Variants in CTDSPL2 observed in about 807,000 individuals in gnomAD.
CTDSPL2 encodes the protein CTD small phosphatase-like protein 2.
CTDSPL2 carries 5 observed loss-of-function variants against 60.0 expected under a neutral mutation model. That is an observed-to-expected ratio of 0.08 (90% CI 0.04 to 0.18). The LOEUF is 0.18. Ranked by LOEUF, CTDSPL2 falls within the 10% of genes least tolerant of loss-of-function variation. The pLI is 1.00. For synonymous variants in CTDSPL2, 186 were observed against 189.3 expected (o/e 0.98, Z 0.14); for missense variants, 370 against 548.8 (o/e 0.67, Z 3.26).
chr15:44,441,576 C>T (rs2080086712), intron 1 of CTDSPL2, among the ~76,000 whole-genome samples: 1 of 152,068 alleles, frequency 6.6e-6, no homozygotes, highest in Non-Finnish European at 1.5e-5. Flanking sequence ...TTCTTTTTAC[C>T]TGGTTTTATG....
chr15:44,459,863 G>T (rs985098035), intron 2 of CTDSPL2, among the ~76,000 whole-genome samples: 1 of 152,064 alleles, frequency 6.6e-6, no homozygotes, highest in Non-Finnish European at 1.5e-5. Flanking sequence ...TCTAACATTT[G>T]TATGATGAAG....
rs2081619771 is a variant in CTDSPL2, at chr15:44,514,641, G to A, written c.1013G>A (p.Arg338Gln). 2 of 1,607,780 alleles carry A rather than the reference G, an allele frequency of 1.2e-6. No homozygotes were observed. Among genetic ancestry groups the A allele is most frequent in the African/African-American group, 1.3e-5 (1 of 74,876 alleles). ...LRPFFREFLE[R>Q]MSQMYEIILF... ...CCATTTTTCAGGGAATTCCTGGAAC[G>A]AATGTCTCAGATGTATGAGGTAAAC... Residue 338 changes from arginine (R) to glutamine (Q), a missense_variant, in exon 9 of 13, where the codon CGA becomes CAA. Physicochemically the swap from Arg to Gln is conservative, Grantham distance 43 (BLOSUM62 1). This residue lies in a region of CTDSPL2 where 21 missense variants were observed against 42.1 expected (regional missense o/e 0.50). Transcript: ENST00000260327.
chr15:44,498,823 C>T lies in CTDSPL2; in HGVS notation c.883-904C>T, dbSNP rs773788449. The stretch of plus-strand genomic sequence containing the variant: ...CTGAGGCAGGAGAATCACTTGATCC[C>T]GGGAAGTGGAGGTTGCAGTGAACCT... On this transcript the variant is annotated intron_variant, in intron 7 of 12. Transcript: ENST00000260327. Among the ~76,000 whole-genome samples, 69 of 151,922 alleles carry T rather than the reference C, an allele frequency of 4.5e-4. 1 individual carries two copies. The highest frequency in any genetic ancestry group is 2.1e-4 in the South Asian group (1 of 4,806).
intron 2 of CTDSPL2, among the ~76,000 whole-genome samples, chr15:44,466,803 G>A (rs56719500): frequency 0.01 from 1,591 of 152,140 alleles, 39 homozygotes; most frequent in African/African-American, 0.037. Flanking sequence ...GCTGGGCATG[G>A]TGGCGGGCGC....
chr15:44,443,215 C>T (rs968321255), intron 1 of CTDSPL2, among the ~76,000 whole-genome samples: 2 of 152,154 alleles, frequency 1.3e-5, no homozygotes, highest in Admixed American at 6.6e-5. Flanking sequence ...CAGTCTTCAA[C>T]GTTCATAATA....
chr15:44,490,326 C>T (rs1285759264), intron 4 of CTDSPL2, among the ~76,000 whole-genome samples: 1 of 152,046 alleles, frequency 6.6e-6, no homozygotes, highest in Non-Finnish European at 1.5e-5. Context: ...TTTGTAGAGA[C>T]AGCCATGTTG....
At chr15:44,475,638 CAA>C (rs3041871) in intron 2 of CTDSPL2, among the ~76,000 whole-genome samples, 4,877 of 134,062 alleles carry the variant, frequency 0.036, 246 homozygotes, top group African/African-American at 0.11. Flanking sequence ...GACTTCGTCT[CAA>C]AAAAAAAAAA....
chr15:44,446,118 G>A (rs984754483), intron 1 of CTDSPL2, among the ~76,000 whole-genome samples: 1 of 151,792 alleles, frequency 6.6e-6, no homozygotes, highest in East Asian at 1.9e-4. Flanking sequence ...TGGAGACAGG[G>A]TTTCACCATA....
At chr15:44,492,277 C>T (rs531033320) in intron 5 of CTDSPL2, among the ~76,000 whole-genome samples, 3 of 152,158 alleles carry the variant, frequency 2.0e-5, no homozygotes, top group South Asian at 2.1e-4. Flanking sequence ...TCCAGACTGC[C>T]GTGAGCTATG....
chr15:44,437,619 A>G (rs2080003255), intron 1 of CTDSPL2, among the ~76,000 whole-genome samples: 1 of 152,176 alleles, frequency 6.6e-6, no homozygotes, highest in Non-Finnish European at 1.5e-5. Flanking sequence ...CCCCAATTAT[A>G]TGGCCTTTTT....
chr15:44,485,986 C>T (rs920892790), intron 3 of CTDSPL2, among the ~76,000 whole-genome samples: 20 of 152,166 alleles, frequency 1.3e-4, no homozygotes, highest in African/African-American at 4.3e-4. Context: ...ATCTGTGGAA[C>T]ATTTTGATTT....
intron 1 of CTDSPL2, among the ~76,000 whole-genome samples, chr15:44,433,953 CAAA>C (rs201817237): frequency 1.1e-4 from 11 of 103,714 alleles, no homozygotes; most frequent in African/African-American, 3.3e-4. Context: ...ACTCTCGTCT[CAAA>C]AAAAAAAAAA....
chr15:44,484,560 C>T (rs2081086152), intron 3 of CTDSPL2, among the ~76,000 whole-genome samples, 198 bp downstream of exon 3: 1 of 152,148 alleles, frequency 6.6e-6, no homozygotes, highest in South Asian at 2.1e-4. Flanking sequence ...CGTGGCAAAA[C>T]CCCGTCTCTA....
chr15:44,454,363 C>T (rs1311647175), intron 1 of CTDSPL2, among the ~76,000 whole-genome samples: 4 of 151,926 alleles, frequency 2.6e-5, no homozygotes, highest in African/African-American at 7.3e-5. Context: ...AATTTTTCTC[C>T]CATTCTGTAG....
intron 1 of CTDSPL2, among the ~76,000 whole-genome samples, chr15:44,445,648 T>G (rs969159068): frequency 6.6e-6 from 1 of 151,984 alleles, no homozygotes; most frequent in Non-Finnish European, 1.5e-5. Context: ...TTTTGCTTTT[T>G]TTTTTTTGAG....
rs139955666 is a variant in CTDSPL2 at position 44,459,266 on chromosome 15, G to A, written c.186+66G>A. 6.1e-3 allele frequency: 7,237 copies of A among 1,193,648 alleles called. 347 individuals carry two copies. In the African/African-American group the frequency reaches 0.1, roughly 17 times the overall value. 73.9% of individuals were successfully genotyped at this position (1,193,648 alleles called of 1,614,324 possible). A position where few individuals can be genotyped will look rare whatever the true frequency, so the allele number is the denominator to read the frequency against. On this transcript the variant is annotated intron_variant, in intron 2 of 12. Coordinates refer to ENST00000260327, the MANE Select transcript of CTDSPL2 (RefSeq NM_016396.3). ...AAATTGGCCGGGCACGGTGGCTCAC[G>A]CCTGTAATCCCAGCACTTTGAGAGC...
rs560055553 is a variant in CTDSPL2, at chr15:44,516,165, A to G, written c.1112+1321A>G. 5.9e-5 allele frequency among the ~76,000 whole-genome samples: 9 copies of G among 151,804 alleles called. No individual in the cohort carries two copies. The East Asian group carries it at 1.6e-3, about 26-fold the overall frequency. ...GTGTTTTTAGTAGAGATGGGGTTTCATCATATTGGCCAGGCTGGTCTTGAA... is the reference window on the plus strand; with the variant it reads ...GTGTTTTTAGTAGAGATGGGGTTTCGTCATATTGGCCAGGCTGGTCTTGAA... On this transcript the variant is annotated intron_variant, in intron 10 of 12. Transcript: ENST00000260327.
At chr15:44,441,491 T>A (rs1264698289) in intron 1 of CTDSPL2, among the ~76,000 whole-genome samples, 1 of 152,226 alleles carries the variant, frequency 6.6e-6, no homozygotes, top group African/African-American at 2.4e-5. Context: ...TTGTTATCTG[T>A]GTCTCTCAGG....
In CTDSPL2 at chr15:44,527,596, T is replaced by C. The variant is rs1006349350; in HGVS notation, c.*3422T>C. On this transcript the variant is annotated 3_prime_UTR_variant, in exon 13 of 13. Transcript: ENST00000260327. ...TAATTGTACTAATATGATGGTGTTA[T>C]ATACTACATCATTAGCTAGTTAAGG... 1 of 152,220 alleles carries C rather than the reference T, an allele frequency of 6.6e-6. No homozygotes were observed. Among genetic ancestry groups the C allele is most frequent in the Non-Finnish European group, 1.5e-5 (1 of 68,018 alleles). The allele number at this position is 152,220 out of a possible 1,614,324, so 9.4% of individuals were successfully genotyped here. A position where few individuals can be genotyped will look rare whatever the true frequency, so the allele number is the denominator to read the frequency against.
Sources: allele counts gnomAD v4.1 joint callset (sites outside exome capture counted in the v4.1 genomes callset), GRCh38; gene constraint gnomAD v4.1.1; regional missense constraint gnomAD v4.1.1; transcripts MANE v1.5; gene names NCBI Gene and HGNC (gene_info 2026-07-23, HGNC 2026-07-21).